CEP112: variants seen among roughly 807,000 people sequenced by gnomAD.
CEP112 encodes centrosomal protein 112, also known as centrosomal protein of 112 kDa.
CEP112 carries 127 observed loss-of-function variants against 153.0 expected under a neutral mutation model. The observed-to-expected ratio is 0.83, with a 90% confidence interval of 0.72 to 0.96. The LOEUF is 0.96. Among genes scored for constraint, CEP112 ranks in the 40% least tolerant of loss-of-function variants. CEP112 has a pLI of 0.00. For missense variants in CEP112, 1,089 were observed against 1,101.2 expected, an observed-to-expected ratio of 0.99 and a Z score of 0.16; for synonymous variants, 358 against 374.4, an observed-to-expected ratio of 0.96 and a Z score of 0.51.
At chr17:65,695,990 T>A (rs971447918) in intron 23 of CEP112, among the ~76,000 whole-genome samples, 14 of 152,234 alleles carry the variant, frequency 9.2e-5, no homozygotes, top group Non-Finnish European at 7.3e-5. Flanking sequence ...TTATGAGACA[T>A]CTGGAAAAAT....
chr17:65,848,504 G>A (rs1407372424), intron 21 of CEP112, among the ~76,000 whole-genome samples: 4 of 151,862 alleles, frequency 2.6e-5, no homozygotes, highest in African/African-American at 7.3e-5. Flanking sequence ...CTCTCAAATG[G>A]AGCTGTACCC....
chr17:66,028,227 T>C, intron 15 of CEP112, 86 bp downstream of exon 15: 1 of 777,464 alleles, frequency 1.3e-6, no homozygotes, highest in Non-Finnish European at 2.1e-6. Flanking sequence ...CTGAGTTTTA[T>C]TTTTTTAATT....
chr17:66,183,706 T>A (rs1450315495), intron 1 of CEP112, among the ~76,000 whole-genome samples: 1 of 151,964 alleles, frequency 6.6e-6, no homozygotes, highest in African/African-American at 2.4e-5. Context: ...TCAACAAAGG[T>A]GTGATCCATG....
chr17:66,123,565 A>T (rs1485720777), intron 6 of CEP112, among the ~76,000 whole-genome samples: 1 of 152,208 alleles, frequency 6.6e-6, no homozygotes, highest in Non-Finnish European at 1.5e-5. Context: ...TTCCAGATTT[A>T]ATTACCAATT....
At chr17:65,905,895 A>G (rs551446025) in intron 19 of CEP112, among the ~76,000 whole-genome samples, 2 of 152,106 alleles carry the variant, frequency 1.3e-5, no homozygotes, top group Non-Finnish European at 2.9e-5. Flanking sequence ...CAGTGAGCCA[A>G]GATAGTGCCA....
intron 1 of CEP112, among the ~76,000 whole-genome samples, chr17:66,188,588 T>G (rs1460592821): frequency 3.5e-4 from 8 of 23,068 alleles, no homozygotes; most frequent in African/African-American, 1.0e-3. Flanking sequence ...CATGCTGTTT[T>G]TTTTTTTTTT....
In CEP112 at chr17:65,726,050, C is replaced by T. The variant is rs527614296; in HGVS notation, c.2607+17018G>A. ...TTATGAAGAAACGAAAAGTGTGAGG[C>T]ATGAAATAATCAAATAATTATTGGC... On this transcript the variant is annotated intron_variant, in intron 23 of 26. Transcript: ENST00000535342. 1.1e-3 allele frequency among the ~76,000 whole-genome samples: 162 copies of T among 152,200 alleles called. 1 individual carries two copies. Among genetic ancestry groups the T allele is most frequent in the African/African-American group, 3.7e-3 (153 of 41,544 alleles).
intron 23 of CEP112, among the ~76,000 whole-genome samples, chr17:65,691,018 G>T (rs1036141606): frequency 6.6e-6 from 1 of 152,146 alleles, no homozygotes; most frequent in African/African-American, 2.4e-5. Context: ...GGTGGTAGCA[G>T]CTGATGAAGG....
intron 17 of CEP112, among the ~76,000 whole-genome samples, chr17:65,998,404 A>AAG (rs1491036804): frequency 3.5e-5 from 5 of 142,872 alleles, no homozygotes; most frequent in Non-Finnish European, 7.7e-5. Context: ...AAAAAAAAAA[A>AAG]AGGAAATGTT....
intron 4 of CEP112, among the ~76,000 whole-genome samples, chr17:66,159,616 T>C (rs149780144): frequency 1.5e-3 from 231 of 152,248 alleles, no homozygotes; most frequent in African/African-American, 5.4e-3. Context: ...ATTATCTCAA[T>C]AGATGCAGAA....
intron 17 of CEP112, among the ~76,000 whole-genome samples, chr17:65,967,715 T>A (rs2062463670): frequency 1.3e-5 from 2 of 152,124 alleles, no homozygotes; most frequent in African/African-American, 4.8e-5. Flanking sequence ...ATAAGTAAAA[T>A]TAATGAAAGT....
intron 21 of CEP112, among the ~76,000 whole-genome samples, chr17:65,794,850 C>A (rs183852714): frequency 2.0e-5 from 3 of 152,294 alleles, no homozygotes; most frequent in Non-Finnish European, 4.4e-5. Flanking sequence ...AAGACAACTG[C>A]AATAGTCTTT....
intron 4 of CEP112, among the ~76,000 whole-genome samples, chr17:66,157,694 C>T (rs1372237770): frequency 1.2e-5 from 1 of 82,222 alleles, no homozygotes; most frequent in Non-Finnish European, 2.5e-5. Flanking sequence ...ATTTACCAAG[C>T]AAATGGAAAG....
At chr17:65,661,849 T>G (rs1246194448) in intron 24 of CEP112, 1 of 152,172 alleles carries the variant, frequency 6.6e-6, no homozygotes. Context: ...GGCAGCCAGT[T>G]AGTAGTTCAT....
At chr17:65,689,390 C>G (rs1244848165) in intron 23 of CEP112, among the ~76,000 whole-genome samples, 172 bp from the exon 24 acceptor site, 1 of 151,934 alleles carries the variant, frequency 6.6e-6, no homozygotes, top group African/African-American at 2.4e-5. Context: ...ATGTTTTCTG[C>G]TTTAAGAATA....
chr17:66,034,159 A>G (rs1005744105), intron 12 of CEP112, among the ~76,000 whole-genome samples: 1 of 152,216 alleles, frequency 6.6e-6, no homozygotes, highest in Admixed American at 6.5e-5. Context: ...GATAACTGCT[A>G]AAATGTCAAA....
chr17:66,096,407 C>T, intron 7 of CEP112, 79 bp from the exon 8 acceptor site: 1 of 1,385,464 alleles, frequency 7.2e-7, no homozygotes, highest in Non-Finnish European at 1.0e-6. Context: ...TCTAAATTGC[C>T]TGAGGCCCGT....
At chr17:65,654,138 A>G (rs1744263304) in intron 24 of CEP112, among the ~76,000 whole-genome samples, 1 of 151,680 alleles carries the variant, frequency 6.6e-6, no homozygotes, top group Non-Finnish European at 1.5e-5. Context: ...GCTGTAGTAC[A>G]GGTGAGAAAA....
At chr17:65,973,463 A>C (rs944095339) in intron 17 of CEP112, among the ~76,000 whole-genome samples, 45 of 152,234 alleles carry the variant, frequency 3.0e-4, no homozygotes, top group African/African-American at 1.1e-3. Flanking sequence ...AACACTTTCC[A>C]AGGTAGATAG....
Sources: allele counts gnomAD v4.1 joint callset (sites outside exome capture counted in the v4.1 genomes callset), GRCh38; gene constraint gnomAD v4.1.1; transcripts MANE v1.5; gene names NCBI Gene and HGNC (gene_info 2026-07-23, HGNC 2026-07-21).